Variants in ZNF407 observed in about 807,000 individuals in gnomAD.
The protein encoded by ZNF407 is zinc finger protein 407.
In ZNF407, 17 loss-of-function variants were observed where a neutral mutation model predicts 131.2. The ratio of observed to expected loss-of-function variants is 0.13; its 90% CI spans 0.09 to 0.19. ZNF407 has a LOEUF of 0.19. Among genes scored for constraint, ZNF407 ranks in the 10% least tolerant of loss-of-function variants. The pLI, the probability that ZNF407 is intolerant of heterozygous loss-of-function variation, is 1.00. For synonymous variants in ZNF407, 1,156 were observed against 1,062.0 expected (o/e 1.09, Z -1.72); for missense variants, 2,681 against 2,830.6 (o/e 0.95, Z 1.20).
intron 3 of ZNF407, among the ~76,000 whole-genome samples, chr18:74,716,680 A>C (rs1352025094): frequency 6.6e-6 from 1 of 152,238 alleles, no homozygotes; most frequent in Non-Finnish European, 1.5e-5. Flanking sequence ...GTTAAAATAT[A>C]CTATGGTAAA....
chr18:74,703,834 A>T lies in ZNF407; in HGVS notation c.4802+62712A>T, dbSNP rs1328059372. ...AATATACAGTTTTGTTGATTAATTAATCATTTAATATTCTTAGGTAAGTTG... is the reference window on the plus strand; with the variant it reads ...AATATACAGTTTTGTTGATTAATTATTCATTTAATATTCTTAGGTAAGTTG... On this transcript the variant is annotated intron_variant, in intron 3 of 8. Coordinates refer to ENST00000299687, the MANE Select transcript of ZNF407 (RefSeq NM_017757.3). This position sits in a 1 kb window ranked among gnomAD's most constrained non-coding sequence, Gnocchi z 4.1. Among the ~76,000 whole-genome samples, 2 of 152,284 alleles carry T rather than the reference A, an allele frequency of 1.3e-5. No individual in the cohort carries two copies. Among genetic ancestry groups the T allele is most frequent in the South Asian group, 4.1e-4 (2 of 4,820 alleles).
intron 3 of ZNF407, among the ~76,000 whole-genome samples, chr18:74,768,744 G>T (rs529917684): frequency 3.0e-4 from 45 of 152,222 alleles, no homozygotes; most frequent in African/African-American, 1.0e-3. Context: ...ACCGTAATGT[G>T]TATCTACTAC....
intron 3 of ZNF407, among the ~76,000 whole-genome samples, chr18:74,755,080 A>G (rs987364442): frequency 2.6e-4 from 39 of 152,156 alleles, no homozygotes; most frequent in Admixed American, 1.0e-3. Context: ...TTCTTGTTGA[A>G]TTGATCCCTT....
At chr18:74,722,968 T>G (rs538008061) in intron 3 of ZNF407, among the ~76,000 whole-genome samples, 1 of 152,166 alleles carries the variant, frequency 6.6e-6, no homozygotes, top group Non-Finnish European at 1.5e-5. Context: ...CTCTTGTAAT[T>G]ATTTCTTAGG....
chr18:74,691,334 C>T, intron 3 of ZNF407, among the ~76,000 whole-genome samples: 1 of 151,824 alleles, frequency 6.6e-6, no homozygotes, highest in Non-Finnish European at 1.5e-5. Context: ...ATATCTCCAA[C>T]ATTGAGTCTC....
chr18:74,896,362 A>G (rs1971453542), intron 7 of ZNF407, among the ~76,000 whole-genome samples: 1 of 152,220 alleles, frequency 6.6e-6, no homozygotes, highest in South Asian at 2.1e-4. Flanking sequence ...CTGCCAATCT[A>G]GTCGATGGAA....
intron 8 of ZNF407, among the ~76,000 whole-genome samples, chr18:75,024,566 T>C (rs958181762): frequency 1.3e-5 from 2 of 152,204 alleles, no homozygotes; most frequent in Non-Finnish European, 2.9e-5. Context: ...CAACTAGTAA[T>C]TCTGAAAATT....
chr18:74,676,532 G>C (rs1233584841), intron 3 of ZNF407, among the ~76,000 whole-genome samples: 1 of 151,680 alleles, frequency 6.6e-6, no homozygotes, highest in Non-Finnish European at 1.5e-5. Context: ...CGCCTCCCGG[G>C]TTCACGCCAT....
intron 3 of ZNF407, among the ~76,000 whole-genome samples, chr18:74,779,659 A>T (rs931977133): frequency 2.0e-5 from 3 of 152,052 alleles, no homozygotes; most frequent in Admixed American, 6.5e-5. Flanking sequence ...ACATTGTATT[A>T]GGCAAAAGCT....
chr18:74,783,677 C>A (rs1423156551), intron 4 of ZNF407, among the ~76,000 whole-genome samples: 1 of 151,904 alleles, frequency 6.6e-6, no homozygotes, highest in African/African-American at 2.4e-5. Flanking sequence ...TTGAATTTCT[C>A]CCCTCTGACA....
rs375453906 is a variant in ZNF407 at position 74,849,522 on chromosome 18, CA to C, written c.4878-27674del. ...TTCTTTAGATGAGAAAGTGTGTGGT[CA>C]GGGGTGGGGGACGGGGAGTTGTCAG... is the stretch of plus-strand genomic sequence containing the variant. On this transcript the variant is annotated intron_variant, in intron 4 of 8. Coordinates refer to ENST00000299687, the MANE Select transcript of ZNF407 (RefSeq NM_017757.3). 3.5e-3 allele frequency among the ~76,000 whole-genome samples: 528 copies of C among 152,148 alleles called. 1 individual carries two copies. The highest frequency in any genetic ancestry group is 8.3e-3 in the South Asian group (40 of 4,814).
chr18:74,915,477 A>AGT (rs35034618), intron 7 of ZNF407, among the ~76,000 whole-genome samples: 8 of 87,258 alleles, frequency 9.2e-5, no homozygotes, highest in South Asian at 4.6e-4. Flanking sequence ...TCGAATCGGG[A>AGT]GTGTGTGTGT....
chr18:74,855,368 A>C (rs1050846856), intron 4 of ZNF407, among the ~76,000 whole-genome samples: 2 of 152,068 alleles, frequency 1.3e-5, no homozygotes, highest in Non-Finnish European at 2.9e-5. Flanking sequence ...ATAAAGCAAA[A>C]CGTATGTTTA....
chr18:74,716,831 A>C (rs556164674), intron 3 of ZNF407, among the ~76,000 whole-genome samples: 18 of 152,306 alleles, frequency 1.2e-4, no homozygotes, highest in African/African-American at 4.1e-4. Flanking sequence ...AAGTATGTTG[A>C]AATAGATCGC....
At chr18:74,709,666 C>T (rs948100041) in intron 3 of ZNF407, among the ~76,000 whole-genome samples, 7 of 152,120 alleles carry the variant, frequency 4.6e-5, no homozygotes, top group African/African-American at 1.4e-4. Flanking sequence ...GATACTGTGC[C>T]GCACTTGAAT....
At chr18:74,808,689 TTATGA>T (rs1374320833) in intron 4 of ZNF407, among the ~76,000 whole-genome samples, 3 of 151,418 alleles carry the variant, frequency 2.0e-5, no homozygotes, top group Non-Finnish European at 4.4e-5. Context: ...GTATATGTTG[TTATGA>T]TAGGATCAAT....
intron 3 of ZNF407, among the ~76,000 whole-genome samples, chr18:74,682,818 T>C (rs117151195): frequency 6.6e-6 from 1 of 152,334 alleles, no homozygotes; most frequent in Non-Finnish European, 1.5e-5. Context: ...ATGGGTTGGC[T>C]TGGTGCACTT....
chr18:74,980,085 T>G (rs559423671), intron 8 of ZNF407, among the ~76,000 whole-genome samples: 2 of 150,648 alleles, frequency 1.3e-5, no homozygotes, highest in East Asian at 3.9e-4. Context: ...GCGTAAAAGC[T>G]GCTTCCACTG....
At chr18:74,606,150 A>G (rs967770894) in intron 1 of ZNF407, among the ~76,000 whole-genome samples, 1 of 152,202 alleles carries the variant, frequency 6.6e-6, no homozygotes, top group Non-Finnish European at 1.5e-5. Flanking sequence ...CAGTTTAAGG[A>G]AACAGGTGAA....
Sources: allele counts gnomAD v4.1 joint callset (sites outside exome capture counted in the v4.1 genomes callset), GRCh38; gene constraint gnomAD v4.1.1; non-coding constraint Gnocchi (gnomAD v3.1); transcripts MANE v1.5; gene names NCBI Gene and HGNC (gene_info 2026-07-23, HGNC 2026-07-21).